The following DPY30 variants were observed in gnomAD, a reference collection of about 807,000 sequenced individuals.
DPY30 encodes the protein dpy-30 histone methyltransferase complex regulatory subunit.
DPY30 carries 6 observed loss-of-function variants against 16.2 expected under a neutral mutation model. The ratio of observed to expected loss-of-function variants is 0.37; its 90% CI spans 0.20 to 0.73. The LOEUF (loss-of-function observed/expected upper bound fraction) is 0.73, where lower values mean the gene tolerates loss of function less well. Ranked by LOEUF, DPY30 falls within the 30% of genes least tolerant of loss-of-function variation. The pLI is 0.51. For synonymous variants in DPY30, 39 were observed against 38.8 expected, an observed-to-expected ratio of 1.00 and a Z score of -0.02; for missense variants, 73 against 113.1, an observed-to-expected ratio of 0.65 and a Z score of 1.61.
intron 4 of DPY30, 21 bp downstream of exon 4, chr2:32,029,573 T>G: frequency 5.0e-6 from 8 of 1,609,988 alleles, no homozygotes; most frequent in Non-Finnish European, 6.8e-6. Flanking sequence ...CTAACTCCAT[T>G]TGTGGACACA....
chr2:32,019,489 A>G (rs1429773985), downstream of DPY30, among the ~76,000 whole-genome samples: 1 of 151,866 alleles, frequency 6.6e-6, no homozygotes, highest in Non-Finnish European at 1.5e-5. Context: ...CCAGCCTGGA[A>G]AACACAGCCA....
downstream of DPY30, chr2:32,023,823 G>A: frequency 3.1e-6 from 4 of 1,305,202 alleles, no homozygotes; most frequent in Non-Finnish European, 4.0e-6. Flanking sequence ...AGCATTTGAA[G>A]ACAGAAGAAA....
At chr2:32,037,251 G>A (rs1421148935) in intron 3 of DPY30, among the ~76,000 whole-genome samples, 1 of 152,174 alleles carries the variant, frequency 6.6e-6, no homozygotes, top group Non-Finnish European at 1.5e-5. Flanking sequence ...TGGTCAATAT[G>A]TGGATAAATG....
chr2:32,033,937 G>A (rs778280766), intron 3 of DPY30, among the ~76,000 whole-genome samples: 2 of 152,174 alleles, frequency 1.3e-5, no homozygotes, highest in African/African-American at 4.8e-5. Flanking sequence ...TACTATGACT[G>A]TCCCAGCTTA....
At chr2:32,018,221 T>G (rs1384261558) in intron 5 of DPY30, among the ~76,000 whole-genome samples, 3 of 152,114 alleles carry the variant, frequency 2.0e-5, no homozygotes, top group African/African-American at 7.2e-5. Flanking sequence ...GAGTAAAGAC[T>G]GATAAAACAA....
At chr2:32,023,663 T>C, downstream of DPY30, 1 of 1,175,150 alleles carries the variant, frequency 8.5e-7, no homozygotes, top group South Asian at 1.3e-5. Flanking sequence ...AACTTTAATG[T>C]ACATTAGAAT....
chr2:32,023,606 C>A (rs555644851), downstream of DPY30: 34 of 697,502 alleles, frequency 4.9e-5, 1 homozygote, highest in Middle Eastern at 2.9e-4. Context: ...ATGTTGATAA[C>A]ATTAGAAGAT....
chr2:32,035,483 G>A (rs1282271597), intron 3 of DPY30, among the ~76,000 whole-genome samples: 1 of 151,392 alleles, frequency 6.6e-6, no homozygotes, highest in Admixed American at 6.6e-5. Context: ...CCAGCTACTT[G>A]GGAGGCTGAG....
At chr2:32,034,970 G>T (rs574119596) in intron 3 of DPY30, among the ~76,000 whole-genome samples, 17 of 151,924 alleles carry the variant, frequency 1.1e-4, no homozygotes, top group African/African-American at 3.9e-4. Flanking sequence ...CTTCCAGCCT[G>T]GGCGACAAGA....
At chr2:32,019,290 G>A (rs1675124083), downstream of DPY30, among the ~76,000 whole-genome samples, 1 of 152,060 alleles carries the variant, frequency 6.6e-6, no homozygotes, top group Non-Finnish European at 1.5e-5. Context: ...CTACTAGCTA[G>A]ATCAGTGGGA....
intron 5 of DPY30, among the ~76,000 whole-genome samples, chr2:32,015,177 CAACT>C (rs1390809756): frequency 1.3e-5 from 2 of 151,998 alleles, no homozygotes; most frequent in African/African-American, 4.8e-5. Flanking sequence ...TACTTATCCA[CAACT>C]AACAGCTTTA....
chr2:32,037,414 C>A (rs1196069194), intron 3 of DPY30, among the ~76,000 whole-genome samples: 1 of 152,132 alleles, frequency 6.6e-6, no homozygotes, highest in Non-Finnish European at 1.5e-5. Context: ...AAGTGATCCT[C>A]CTGCTTCAGC....
At chr2:32,021,786 C>A (rs1210705766), downstream of DPY30, among the ~76,000 whole-genome samples, 2 of 151,648 alleles carry the variant, frequency 1.3e-5, no homozygotes, top group South Asian at 2.1e-4. Context: ...ATATTATGTA[C>A]AAAATTTGTA....
At position 32,039,761 on chromosome 2, in the gene DPY30, C is replaced by A; in HGVS notation, c.-65G>T. The A allele has an allele frequency of 4.2e-6, 2 of 471,574 alleles. No homozygotes were observed. The highest frequency in any genetic ancestry group is 7.7e-6 in the Non-Finnish European group (2 of 260,912). 29.2% of individuals were successfully genotyped at this position (471,574 alleles called of 1,614,324 possible). A position where few individuals can be genotyped will look rare whatever the true frequency, so the allele number is the denominator to read the frequency against. On this transcript the variant is annotated 5_prime_UTR_variant, in exon 1 of 5. Transcript: ENST00000342166. ...CGCCCAAGCCGTTCGTTCTTAAGAG[C>A]CCTGCACCGCGCCACCAGCTCCCAG...
chr2:32,036,670 CAAA>C (rs766384887), intron 3 of DPY30, among the ~76,000 whole-genome samples: 7 of 70,416 alleles, frequency 9.9e-5, no homozygotes, highest in Admixed American at 1.7e-4. Flanking sequence ...GACTCTGTCT[CAAA>C]AAAAAAAAAA....
downstream of DPY30, chr2:32,023,880 C>T (rs925696523): frequency 1.5e-6 from 2 of 1,322,864 alleles, no homozygotes; most frequent in Admixed American, 2.6e-5. Flanking sequence ...ATTTGTCATA[C>T]AGAACAAAAA....
At chr2:32,029,133 G>A (rs1488074446) in intron 4 of DPY30, among the ~76,000 whole-genome samples, 4 of 151,958 alleles carry the variant, frequency 2.6e-5, no homozygotes, top group Non-Finnish European at 2.9e-5. Flanking sequence ...TTAGCCGGGC[G>A]TAGTGGCCCA....
At chr2:32,014,400 A>ATTGCT (rs1340187905) in intron 5 of DPY30, among the ~76,000 whole-genome samples, 8 of 152,116 alleles carry the variant, frequency 5.3e-5, no homozygotes, top group Non-Finnish European at 1.0e-4. Flanking sequence ...AGTGGGAAAG[A>ATTGCT]TTGCTTTAGC....
intron 5 of DPY30, among the ~76,000 whole-genome samples, chr2:32,018,555 G>A (rs974206063): frequency 3.3e-5 from 5 of 152,190 alleles, no homozygotes; most frequent in African/African-American, 1.2e-4. Context: ...GTGAAACACC[G>A]TCTCTGCTTA....
Sources: allele counts gnomAD v4.1 joint callset (sites outside exome capture counted in the v4.1 genomes callset), GRCh38; gene constraint gnomAD v4.1.1; transcripts MANE v1.5; gene names NCBI Gene and HGNC (gene_info 2026-07-23, HGNC 2026-07-21).